Variants in KLF12 observed in about 807,000 individuals in gnomAD.
KLF12 encodes Krueppel-like factor 12.
KLF12 carries 9 observed loss-of-function variants against 37.8 expected under a neutral mutation model. The observed-to-expected ratio is 0.24, with a 90% CI of 0.14 to 0.42. The LOEUF is 0.42. Ranked by LOEUF, KLF12 falls within the 10% of genes least tolerant of loss-of-function variation. The pLI is 1.00. For synonymous variants in KLF12, 208 were observed against 202.1 expected (o/e 1.03, Z -0.25); for missense variants, 411 against 516.0 (o/e 0.80, Z 1.97).
the KLF12 span, among the ~76,000 whole-genome samples, chr13:74,233,162 C>T: frequency 2.0e-5 from 3 of 152,250 alleles, no homozygotes; most frequent in East Asian, 1.9e-4. Context: ...GGATTACAAG[C>T]GTGAGCCACC....
At chr13:74,208,801 C>T in the KLF12 span, among the ~76,000 whole-genome samples, 3 of 152,022 alleles carry the variant, frequency 2.0e-5, no homozygotes, top group Non-Finnish European at 4.4e-5. Flanking sequence ...CAGTGAGACA[C>T]TGTGTCTAAA....
chr13:74,233,759 A>G, the KLF12 span, among the ~76,000 whole-genome samples: 1 of 152,246 alleles, frequency 6.6e-6, no homozygotes, highest in Non-Finnish European at 1.5e-5. Flanking sequence ...GGACATCTTC[A>G]GATCATCATA....
At chr13:73,926,937 GA>G (rs71115622) in intron 3 of KLF12, among the ~76,000 whole-genome samples, 28 of 140,354 alleles carry the variant, frequency 2.0e-4, no homozygotes, top group Middle Eastern at 3.6e-3. Context: ...TGTCTCCTTT[GA>G]AAAAAAAAAA....
At position 74,011,338 on chromosome 13, in the gene KLF12, G is replaced by A. The variant is rs150578934; in HGVS notation, c.-31-16285C>T. Among the ~76,000 whole-genome samples the A allele has an allele frequency of 2.8e-3, 432 of 152,020 alleles. 1 individual carries two copies. Among genetic ancestry groups the A allele is most frequent in the African/African-American group, 9.9e-3 (409 of 41,506 alleles). Reference sequence around the variant, plus strand: ...GCAAAATGCTAGAACTGCTAGTGGTGATTTCACTGACCACCAGGCCCATGT... The same window carrying A: ...GCAAAATGCTAGAACTGCTAGTGGTAATTTCACTGACCACCAGGCCCATGT... On this transcript the variant is annotated intron_variant, in intron 1 of 7. Transcript: ENST00000377669.
At chr13:74,184,352 G>A in the KLF12 span, among the ~76,000 whole-genome samples, 1 of 152,058 alleles carries the variant, frequency 6.6e-6, no homozygotes, top group African/African-American at 2.4e-5. Context: ...TTGTAGGGAT[G>A]ACAAACTTCT....
At chr13:74,293,490 C>T in the KLF12 span, among the ~76,000 whole-genome samples, 2 of 152,294 alleles carry the variant, frequency 1.3e-5, no homozygotes, top group East Asian at 3.9e-4. Context: ...CACACCTACA[C>T]ACATATTAAT....
intron 3 of KLF12, among the ~76,000 whole-genome samples, chr13:73,875,787 G>A (rs1318941033): frequency 2.6e-5 from 4 of 152,064 alleles, no homozygotes; most frequent in Non-Finnish European, 5.9e-5. Flanking sequence ...ATGCTTACAG[G>A]TTTAGTATTT....
the KLF12 span, among the ~76,000 whole-genome samples, chr13:74,174,095 T>G: frequency 6.6e-6 from 1 of 152,142 alleles, no homozygotes; most frequent in African/African-American, 2.4e-5. Flanking sequence ...CTCCTAGACC[T>G]CAGATTAATG....
chr13:73,865,638 T>C (rs1309144392), intron 3 of KLF12, among the ~76,000 whole-genome samples: 1 of 152,088 alleles, frequency 6.6e-6, no homozygotes. Context: ...AGTAGAGGAA[T>C]AGATAAGAAC....
At chr13:74,160,024 A>G in the KLF12 span, among the ~76,000 whole-genome samples, 4 of 128,416 alleles carry the variant, frequency 3.1e-5, no homozygotes, top group Non-Finnish European at 6.7e-5. Flanking sequence ...AAAAAAAAAA[A>G]GGTACTTTTC....
chr13:73,764,493 C>T (rs1228860645), intron 6 of KLF12, among the ~76,000 whole-genome samples: 1 of 150,110 alleles, frequency 6.7e-6, no homozygotes, highest in African/African-American at 2.5e-5. Context: ...AAAAAAAAAT[C>T]CTGGATATTT....
At chr13:74,060,223 G>A (rs1873491665) in intron 1 of KLF12, among the ~76,000 whole-genome samples, 1 of 152,016 alleles carries the variant, frequency 6.6e-6, no homozygotes, top group Admixed American at 6.5e-5. Context: ...TTTTGGTTAG[G>A]ATTGTTTTGG....
intron 3 of KLF12, among the ~76,000 whole-genome samples, chr13:73,917,177 T>C (rs1408106640): frequency 1.3e-5 from 2 of 152,196 alleles, no homozygotes; most frequent in Non-Finnish European, 2.9e-5. Context: ...TCCATTTTCT[T>C]AGTGTCCATT....
intron 1 of KLF12, 126 bp from the exon 2 acceptor site, chr13:73,995,179 A>G: frequency 6.3e-6 from 4 of 631,992 alleles, no homozygotes; most frequent in Non-Finnish European, 1.1e-5. Flanking sequence ...GAGCTGAGGA[A>G]TATCTTTTCT....
At chr13:74,018,022 A>G (rs1294079430) in intron 1 of KLF12, among the ~76,000 whole-genome samples, 1 of 152,088 alleles carries the variant, frequency 6.6e-6, no homozygotes, top group Non-Finnish European at 1.5e-5. Flanking sequence ...GAAGAATGTG[A>G]TAAATTAGGA....
At chr13:74,126,770 T>A (rs1877964913) in intron 1 of KLF12, among the ~76,000 whole-genome samples, 1 of 152,206 alleles carries the variant, frequency 6.6e-6, no homozygotes, top group South Asian at 2.1e-4. Flanking sequence ...CAAATGATGT[T>A]CGTAAGTCAA....
chr13:73,952,291 C>T (rs1164197883), intron 2 of KLF12, among the ~76,000 whole-genome samples: 2 of 152,166 alleles, frequency 1.3e-5, no homozygotes, highest in African/African-American at 4.8e-5. Context: ...CGAAGCATGG[C>T]TGAGGAGGCC....
chr13:73,789,983 T>C (rs1046173504), intron 5 of KLF12, among the ~76,000 whole-genome samples: 1 of 152,176 alleles, frequency 6.6e-6, no homozygotes, highest in African/African-American at 2.4e-5. Flanking sequence ...GCCTCTAATT[T>C]TGTACAATTC....
chr13:73,953,318 TAAA>T (rs200131222), intron 2 of KLF12, among the ~76,000 whole-genome samples: 3 of 147,508 alleles, frequency 2.0e-5, no homozygotes, highest in Non-Finnish European at 4.5e-5. Flanking sequence ...TGGTTAAAAT[TAAA>T]AAAAAAAATG....
Sources: allele counts gnomAD v4.1 joint callset (sites outside exome capture counted in the v4.1 genomes callset), GRCh38; gene constraint gnomAD v4.1.1; transcripts MANE v1.5; gene names NCBI Gene and HGNC (gene_info 2026-07-23, HGNC 2026-07-21).